Variants in UTRN observed in about 807,000 individuals in gnomAD.
The protein encoded by UTRN is dystrophin-related protein 1.
UTRN carries 283 observed loss-of-function variants against 463.9 expected under a neutral mutation model. The ratio of observed to expected loss-of-function variants is 0.61; its 90% CI spans 0.55 to 0.67. UTRN has a LOEUF of 0.67. Ranked by LOEUF, UTRN falls within the 30% of genes least tolerant of loss-of-function variation. The pLI is 0.00. For synonymous variants in UTRN, 1,442 were observed against 1,431.5 expected (o/e 1.01, Z -0.17); for missense variants, 3,922 against 4,084.3 (o/e 0.96, Z 1.08).
At chr6:144,378,830 G>T (rs1780677972) in intron 2 of UTRN, among the ~76,000 whole-genome samples, 1 of 152,226 alleles carries the variant, frequency 6.6e-6, no homozygotes, top group Admixed American at 6.5e-5. Context: ...GGAGGCAAGA[G>T]ATGACAGTAG....
chr6:144,722,999 A>G (rs1411059691), intron 53 of UTRN, among the ~76,000 whole-genome samples: 2 of 152,248 alleles, frequency 1.3e-5, no homozygotes, highest in Non-Finnish European at 2.9e-5. Context: ...TTTGATACAC[A>G]GTCATGATAA....
At chr6:144,772,841 C>T (rs1468230099) in intron 59 of UTRN, among the ~76,000 whole-genome samples, 2 of 152,048 alleles carry the variant, frequency 1.3e-5, no homozygotes, top group Admixed American at 6.5e-5. Context: ...GTTGGTCCAG[C>T]GGTTTTTTTA....
In UTRN at chr6:144,779,876, A is replaced by G. The variant is rs116954516; in HGVS notation, c.8633-2046A>G. On this transcript the variant is annotated intron_variant, in intron 60 of 74. Coordinates refer to ENST00000367545, the MANE Select transcript of UTRN (RefSeq NM_007124.3). Reference sequence around the variant, plus strand: ...TTTTGTTATTAGCTTAAGTTTACCAATGATACATTTGGCATCTGAAGGAAA... The same window carrying G: ...TTTTGTTATTAGCTTAAGTTTACCAGTGATACATTTGGCATCTGAAGGAAA... 3.9e-4 allele frequency among the ~76,000 whole-genome samples: 59 copies of G among 152,288 alleles called. 1 individual carries two copies. In the East Asian group the frequency reaches 8.9e-3, roughly 23 times the overall value.
chr6:144,308,316 A>G (rs1161203235), intron 2 of UTRN, among the ~76,000 whole-genome samples: 1 of 152,162 alleles, frequency 6.6e-6, no homozygotes, highest in African/African-American at 2.4e-5. Context: ...TTATGGTGGC[A>G]GCCCCTCTGT....
chr6:144,593,932 T>G (rs1360286480), intron 51 of UTRN, among the ~76,000 whole-genome samples: 1 of 152,164 alleles, frequency 6.6e-6, no homozygotes, highest in Non-Finnish European at 1.5e-5. Flanking sequence ...AAAAAGAAAT[T>G]GCATAATATT....
intron 2 of UTRN, among the ~76,000 whole-genome samples, chr6:144,368,270 A>G (rs1302962746): frequency 3.3e-5 from 5 of 152,206 alleles, no homozygotes; most frequent in African/African-American, 9.7e-5. Context: ...CAGTGTGTAG[A>G]AGAAAGAAAA....
chr6:144,396,712 G>A (rs998182017), intron 2 of UTRN, among the ~76,000 whole-genome samples: 5 of 152,116 alleles, frequency 3.3e-5, no homozygotes, highest in Non-Finnish European at 7.4e-5. Context: ...CATAAAACAG[G>A]TTTTTAAAAA....
chr6:144,835,524 A>G (rs561960115), intron 69 of UTRN, among the ~76,000 whole-genome samples: 26 of 152,192 alleles, frequency 1.7e-4, no homozygotes, highest in Non-Finnish European at 3.5e-4. Flanking sequence ...TCTGCTGAGT[A>G]AGATATCCCT....
At chr6:144,644,454 A>G (rs893620427) in intron 51 of UTRN, among the ~76,000 whole-genome samples, 1 of 152,196 alleles carries the variant, frequency 6.6e-6, no homozygotes, top group Non-Finnish European at 1.5e-5. Flanking sequence ...ATGTAATATG[A>G]TTTAGTTTTA....
At chr6:144,499,176 T>G in intron 33 of UTRN, 81 bp from the exon 34 acceptor site, 1 of 1,436,260 alleles carries the variant, frequency 7.0e-7, no homozygotes, top group Non-Finnish European at 9.5e-7. Flanking sequence ...AGTTTGGATC[T>G]TTAGTTAACA....
At chr6:144,412,109 G>C (rs993099670) in intron 3 of UTRN, among the ~76,000 whole-genome samples, 1 of 152,038 alleles carries the variant, frequency 6.6e-6, no homozygotes, top group Admixed American at 6.6e-5. Context: ...TCTTCATTTC[G>C]TTGATTCAAC....
chr6:144,515,395 C>A (rs1215003271), intron 37 of UTRN, among the ~76,000 whole-genome samples: 1 of 152,042 alleles, frequency 6.6e-6, no homozygotes, highest in Non-Finnish European at 1.5e-5. Context: ...GAAACTAATT[C>A]CCAAGCTAGG....
intron 53 of UTRN, among the ~76,000 whole-genome samples, chr6:144,707,851 T>C (rs1785246657): frequency 6.6e-6 from 1 of 152,168 alleles, no homozygotes; most frequent in Admixed American, 6.6e-5. Flanking sequence ...GTGTGTGGTG[T>C]GTGTCCCCAG....
At chr6:144,586,932 C>A (rs1341561939) in intron 51 of UTRN, among the ~76,000 whole-genome samples, 2 of 151,974 alleles carry the variant, frequency 1.3e-5, no homozygotes, top group South Asian at 2.1e-4. Flanking sequence ...GTTTTAGTCA[C>A]CCCCCAAACT....
At chr6:144,764,831 T>A (rs9403600) in intron 58 of UTRN, among the ~76,000 whole-genome samples, 3,278 of 152,262 alleles carry the variant, frequency 0.022, 91 homozygotes, top group East Asian at 0.078. Context: ...TAATTTTTTT[T>A]AATAAAAAGC....
rs755102170 is a variant in UTRN at position 144,689,043 on chromosome 6, A to T, written c.7652+10465A>T. 1.4e-4 allele frequency among the ~76,000 whole-genome samples: 21 copies of T among 152,146 alleles called. 1 individual carries two copies. The highest frequency in any genetic ancestry group is 1.9e-4 in the East Asian group (1 of 5,188). ...GGCCAGCAGGAAAGCCCCACTACCC[A>T]GTCACTCTCCTGACCCAGTTTCCTG... On this transcript the variant is annotated intron_variant, in intron 52 of 74. Transcript: ENST00000367545.
chr6:144,306,378 A>G (rs1274354052), intron 2 of UTRN, among the ~76,000 whole-genome samples: 1 of 152,052 alleles, frequency 6.6e-6, no homozygotes, highest in Non-Finnish European at 1.5e-5. Flanking sequence ...TGAAGCCAAA[A>G]CTGAGATTGA....
At chr6:144,813,179 T>TTTTA (rs548794203) in intron 65 of UTRN, among the ~76,000 whole-genome samples, 257 of 151,400 alleles carry the variant, frequency 1.7e-3, no homozygotes, top group African/African-American at 3.1e-3. Flanking sequence ...TTATTTTTAT[T>TTTTA]TTTATTTATT....
chr6:144,579,890 G>A (rs1355146754), intron 51 of UTRN, among the ~76,000 whole-genome samples: 1 of 151,914 alleles, frequency 6.6e-6, no homozygotes, highest in Non-Finnish European at 1.5e-5. Context: ...ACGGTAATTC[G>A]CATGATTTTT....
Sources: allele counts gnomAD v4.1 joint callset (sites outside exome capture counted in the v4.1 genomes callset), GRCh38; gene constraint gnomAD v4.1.1; transcripts MANE v1.5; gene names NCBI Gene and HGNC (gene_info 2026-07-23, HGNC 2026-07-21).